DLG1: variants seen among roughly 807,000 people sequenced by gnomAD.
DLG1 encodes disks large homolog 1.
In DLG1, 42 loss-of-function variants were observed where a neutral mutation model predicts 123.4. That is an observed-to-expected ratio of 0.34 (90% CI 0.27 to 0.44). The LOEUF (loss-of-function observed/expected upper bound fraction) is 0.44. Ranked by LOEUF, DLG1 falls within the 20% of genes least tolerant of loss-of-function variation. DLG1 has a pLI of 1.00. For synonymous variants in DLG1, 317 were observed against 356.2 expected (o/e 0.89, Z 1.24); for missense variants, 942 against 1,082.6 (o/e 0.87, Z 1.82).
intron 13 of DLG1, among the ~76,000 whole-genome samples, chr3:197,115,331 G>T (rs561740672): frequency 6.7e-6 from 1 of 148,824 alleles, no homozygotes; most frequent in Non-Finnish European, 1.5e-5. Context: ...CACACAAATT[G>T]AAAGTAAGAA....
intron 23 of DLG1, among the ~76,000 whole-genome samples, chr3:197,052,565 C>T (rs1225641778): frequency 6.6e-6 from 1 of 152,176 alleles, no homozygotes; most frequent in Non-Finnish European, 1.5e-5. Context: ...TTAACAAATT[C>T]TGCATCAGCT....
chr3:197,222,346 A>G lies in DLG1; in HGVS notation c.319-27757T>C, dbSNP rs138399052. The stretch of plus-strand genomic sequence containing the variant: ...CTTTCAATGAAGCAAAGCCCAAGAA[A>G]AAAGATGTCCACAGCTGTAGCAGCT... On this transcript the variant is annotated intron_variant, in intron 4 of 24. Coordinates refer to ENST00000667157, the MANE Select transcript of DLG1 (RefSeq NM_001366207.1). Among the ~76,000 whole-genome samples, 2 of 152,342 alleles carry G rather than the reference A, an allele frequency of 1.3e-5. 1 individual carries two copies. The highest frequency in any genetic ancestry group is 3.9e-4 in the East Asian group (2 of 5,178).
intron 14 of DLG1, among the ~76,000 whole-genome samples, chr3:197,093,438 G>A (rs2149203322): frequency 6.6e-6 from 1 of 152,178 alleles, no homozygotes; most frequent in African/African-American, 2.4e-5. Flanking sequence ...ATTACCCACT[G>A]TGCCCAGCCA....
intron 4 of DLG1, among the ~76,000 whole-genome samples, chr3:197,197,236 C>T (rs1443824652): frequency 6.6e-6 from 1 of 152,192 alleles, no homozygotes; most frequent in Non-Finnish European, 1.5e-5. Context: ...ATTAATCTCA[C>T]GTTCAGTCCT....
intron 14 of DLG1, among the ~76,000 whole-genome samples, chr3:197,099,936 C>T (rs142082766): frequency 6.6e-5 from 10 of 152,224 alleles, no homozygotes; most frequent in African/African-American, 2.2e-4. Flanking sequence ...TACCAAAACC[C>T]GTGCATGTTC....
rs753830555 is a variant in DLG1, at chr3:197,065,828, T to G, written c.2099-19A>C. On this transcript the variant is annotated intron_variant, in intron 20 of 24. Transcript: ENST00000667157. ...TAATTAACTATAAAGATAAACTGCA[T>G]GTTAAAAGGAATAAACATTCAACAA... is the stretch of plus-strand genomic sequence containing the variant. 7.3e-7 allele frequency: 1 copy of G among 1,366,100 alleles called. No homozygotes were observed. The allele number at this position is 1,366,100 out of a possible 1,614,324, so 84.6% of individuals were successfully genotyped here. A position where few individuals can be genotyped will look rare whatever the true frequency, so the allele number is the denominator to read the frequency against.
intron 5 of DLG1, among the ~76,000 whole-genome samples, chr3:197,162,179 G>C (rs888271223): frequency 2.6e-5 from 4 of 152,076 alleles, no homozygotes; most frequent in African/African-American, 9.7e-5. Context: ...ACAAATCCGT[G>C]ATACTAACTT....
chr3:197,244,496 C>T (rs904509922), intron 4 of DLG1, among the ~76,000 whole-genome samples: 9 of 152,082 alleles, frequency 5.9e-5, no homozygotes, highest in Admixed American at 5.2e-4. Context: ...GATCTTTTAC[C>T]TCTACGACGG....
At position 197,065,294 on chromosome 3, in the gene DLG1, T is replaced by A; in HGVS notation, c.2355A>T (p.Val785=). ...NHLYGTSVQS[V]REVAEKGKHC... ...TGCTTACCTTTTCTGCTACTTCTCG[T>A]ACAGACTGAACACTTGTTCCATATA... Residue 785 remains valine, a synonymous_variant, in exon 22 of 25, where the codon GTA becomes GTT. Coordinates refer to ENST00000667157, the MANE Select transcript of DLG1 (RefSeq NM_001366207.1). 6.2e-7 allele frequency: 1 copy of A among 1,607,194 alleles called. No individual in the cohort carries two copies.
At chr3:197,077,749 T>C (rs961111984) in intron 17 of DLG1, among the ~76,000 whole-genome samples, 1 of 152,190 alleles carries the variant, frequency 6.6e-6, no homozygotes, top group African/African-American at 2.4e-5. Flanking sequence ...ACAAGAACGA[T>C]GAGGCTATTA....
intron 4 of DLG1, among the ~76,000 whole-genome samples, chr3:197,248,152 C>T (rs1171331510): frequency 6.6e-6 from 1 of 152,174 alleles, no homozygotes; most frequent in African/African-American, 2.4e-5. Context: ...ACTTTACCAC[C>T]CCTGCGGCTT....
At chr3:197,200,830 TATCTC>T (rs1725252505) in intron 4 of DLG1, among the ~76,000 whole-genome samples, 1 of 152,048 alleles carries the variant, frequency 6.6e-6, no homozygotes, top group Non-Finnish European at 1.5e-5. Context: ...TTGAGAAACA[TATCTC>T]AACAAAAAAA....
chr3:197,122,542 C>A (rs997505917), intron 11 of DLG1, among the ~76,000 whole-genome samples: 4 of 152,134 alleles, frequency 2.6e-5, no homozygotes, highest in Admixed American at 2.6e-4. Context: ...TGGTTATATA[C>A]GTAGACGATC....
intron 15 of DLG1, among the ~76,000 whole-genome samples, chr3:197,088,516 T>A (rs1307660249): frequency 6.6e-6 from 1 of 152,202 alleles, no homozygotes; most frequent in Non-Finnish European, 1.5e-5. Flanking sequence ...TACTGGAGGA[T>A]GTGCTCTAGG....
intron 19 of DLG1, among the ~76,000 whole-genome samples, chr3:197,068,150 A>G (rs1352510304): frequency 2.0e-5 from 3 of 152,230 alleles, no homozygotes; most frequent in Non-Finnish European, 4.4e-5. Flanking sequence ...ATCAAAGTAC[A>G]TAAGACCAAT....
intron 5 of DLG1, among the ~76,000 whole-genome samples, chr3:197,188,335 C>T (rs1717313690): frequency 6.6e-6 from 1 of 152,100 alleles, no homozygotes; most frequent in Admixed American, 6.6e-5. Flanking sequence ...CAGAAAACTC[C>T]AAGAATTTAA....
chr3:197,052,962 ATTATT>A (rs546433674), intron 23 of DLG1, among the ~76,000 whole-genome samples: 231 of 152,306 alleles, frequency 1.5e-3, no homozygotes, highest in Non-Finnish European at 2.6e-3. Flanking sequence ...TCAAATAATT[ATTATT>A]TTAAGTATGA....
chr3:197,126,717 A>G (rs1779327564), intron 11 of DLG1, among the ~76,000 whole-genome samples: 1 of 152,242 alleles, frequency 6.6e-6, no homozygotes, highest in South Asian at 2.1e-4. Flanking sequence ...AGTATAAGAC[A>G]CCATCCCTGT....
At chr3:197,157,868 C>T (rs1797036169) in intron 5 of DLG1, among the ~76,000 whole-genome samples, 1 of 152,092 alleles carries the variant, frequency 6.6e-6, no homozygotes, top group South Asian at 2.1e-4. Context: ...AAAACAGAAT[C>T]CAGAAATAAA....
Sources: gnomAD v4.1 joint callset for allele counts (sites outside exome capture counted in the v4.1 genomes callset) on GRCh38, gnomAD v4.1.1 for gene constraint, MANE v1.5 for transcripts, NCBI Gene and HGNC (gene_info 2026-07-23, HGNC 2026-07-21) for gene names.